The following SPOCK2 variants were observed in gnomAD, a reference collection of about 807,000 sequenced individuals.
The protein encoded by SPOCK2 is testican-2.
SPOCK2 carries 39 observed loss-of-function variants against 60.1 expected under a neutral mutation model. The observed-to-expected ratio is 0.65, with a 90% CI of 0.50 to 0.85. The LOEUF (loss-of-function observed/expected upper bound fraction) is 0.85, where lower values mean the gene tolerates loss of function less well. Ranked by LOEUF, SPOCK2 falls within the 40% of genes least tolerant of loss-of-function variation. The pLI is 0.00. For missense variants in SPOCK2, 523 were observed against 567.4 expected (o/e 0.92, Z 0.80); for synonymous variants, 217 against 231.5 (o/e 0.94, Z 0.57).
rs775254867 is a variant in SPOCK2 at position 72,066,885 on chromosome 10, A to AG, written c.928+16dup. On this transcript the variant is annotated intron_variant, in intron 8 of 10. Transcript: ENST00000373109. ...CACACGGGTGAGGCAGGGGCCTGGG[A>AG]GGGGGGCTGCACTCACTCTCCCTCC... 1.2e-5 allele frequency: 20 copies of AG among 1,613,560 alleles called. No individual in the cohort carries two copies. Among genetic ancestry groups the AG allele is most frequent in the Non-Finnish European group, 1.6e-5 (19 of 1,179,824 alleles).
At chr10:72,077,489 T>C (rs939588256) in intron 1 of SPOCK2, among the ~76,000 whole-genome samples, 2 of 152,118 alleles carry the variant, frequency 1.3e-5, no homozygotes, top group African/African-American at 4.8e-5. Context: ...TGAAATCCCA[T>C]GGGTGGTACC....
intron 4 of SPOCK2, among the ~76,000 whole-genome samples, chr10:72,071,356 A>C (rs1840644986): frequency 6.6e-6 from 1 of 151,962 alleles, no homozygotes. Context: ...TGCCCAGCTA[A>C]TTTTGTATTT....
At chr10:72,081,471 C>G (rs1840783502) in intron 1 of SPOCK2, among the ~76,000 whole-genome samples, 1 of 152,204 alleles carries the variant, frequency 6.6e-6, no homozygotes, top group Non-Finnish European at 1.5e-5. Flanking sequence ...GCTGGACGCC[C>G]CACCCTACAG....
chr10:72,072,901 C>T lies in SPOCK2; in HGVS notation c.198+1G>A. 2 of 1,554,794 alleles carry T rather than the reference C, an allele frequency of 1.3e-6. No individual in the cohort carries two copies. Among genetic ancestry groups the T allele is most frequent in the South Asian group, 1.2e-5 (1 of 84,176 alleles). On this transcript the variant is annotated splice_donor_variant, in intron 2 of 10. Transcript: ENST00000373109. LOFTEE classifies it high-confidence loss of function. Reference sequence around the variant, plus strand: ...AGAGTGGGGTCCTGGGCAGTACTCACCTCCACTTCCTGGAGATCAGGGAAC... The same window carrying T: ...AGAGTGGGGTCCTGGGCAGTACTCATCTCCACTTCCTGGAGATCAGGGAAC...
At chr10:72,074,504 G>A (rs1367142312) in intron 1 of SPOCK2, among the ~76,000 whole-genome samples, 2 of 152,266 alleles carry the variant, frequency 1.3e-5, no homozygotes, top group Non-Finnish European at 2.9e-5. Context: ...ATGCACAGGT[G>A]GACATATGCA....
At position 72,060,983 on chromosome 10, in the gene SPOCK2, C is replaced by CCCAG. The variant is rs1241741070; in HGVS notation, c.*1773_*1776dup. The stretch of plus-strand genomic sequence containing the variant: ...GCATTGACCCCACACCCACCACTCA[C>CCCAG]CCAGCACACAGGGGGCCTCTCCTCA... On this transcript the variant is annotated 3_prime_UTR_variant, in exon 11 of 11. Coordinates refer to ENST00000373109, the MANE Select transcript of SPOCK2 (RefSeq NM_001244950.2). 1.3e-5 allele frequency: 2 copies of CCCAG among 152,820 alleles called. No individual in the cohort carries two copies. The highest frequency in any genetic ancestry group is 2.4e-5 in the African/African-American group (1 of 41,420). 9.5% of individuals were successfully genotyped at this position (152,820 alleles called of 1,614,324 possible).
chr10:72,088,283 G>A lies in SPOCK2; in HGVS notation c.46C>T (p.Leu16=). The part of the protein sequence containing the change: ...CGRLVLPLLL[L]AAAALAEGDA... Reference sequence around the variant, plus strand: ...CCTTCGGCCAGGGCTGCCGCGGCCAGGAGCAGCAGCGGCAGCACCAGCCGC... The same window carrying A: ...CCTTCGGCCAGGGCTGCCGCGGCCAAGAGCAGCAGCGGCAGCACCAGCCGC... Residue 16 remains leucine (L), a synonymous_variant, in exon 1 of 11, where the codon CTG becomes TTG. Transcript: ENST00000373109. 4 of 1,602,806 alleles carry A rather than the reference G, an allele frequency of 2.5e-6. No homozygotes were observed. Among genetic ancestry groups the A allele is most frequent in the Non-Finnish European group, 3.4e-6 (4 of 1,175,790 alleles).
Position 72,059,654 on chromosome 10 carries a change from G to A in SPOCK2, c.*3106C>T, listed in dbSNP as rs763092499. 5.2e-5 allele frequency: 8 copies of A among 152,988 alleles called. No individual in the cohort carries two copies. Among genetic ancestry groups the A allele is most frequent in the Non-Finnish European group, 7.3e-5 (5 of 68,478 alleles). 9.5% of individuals were successfully genotyped at this position (152,988 alleles called of 1,614,324 possible). On this transcript the variant is annotated 3_prime_UTR_variant, in exon 11 of 11. Coordinates refer to ENST00000373109, the MANE Select transcript of SPOCK2 (RefSeq NM_001244950.2). ...CCCTCCAAAGTGAAGTTGGAAGCAG[G>A]TGAAGCTCATGGAAGGCTGAAGGCA...
rs1840476435 is a variant in SPOCK2 at position 72,060,457 on chromosome 10, C to T, written c.*2303G>A. 1 of 152,318 alleles carries T rather than the reference C, an allele frequency of 6.6e-6. No individual in the cohort carries two copies. Among genetic ancestry groups the T allele is most frequent in the Non-Finnish European group, 1.5e-5 (1 of 68,078 alleles). 9.4% of individuals were successfully genotyped at this position (152,318 alleles called of 1,614,324 possible). A position where few individuals can be genotyped will look rare whatever the true frequency, so the allele number is the denominator to read the frequency against. On this transcript the variant is annotated 3_prime_UTR_variant, in exon 11 of 11. Transcript: ENST00000373109. ...ACAGGGGACACCCTTCCTCTGAACT[C>T]CTTCCTTCCCCAGGCCCCCCAGCAT...
intron 6 of SPOCK2, 34 bp downstream of exon 6, chr10:72,068,153 C>T: frequency 6.3e-7 from 1 of 1,584,646 alleles, no homozygotes. Context: ...GGCCCTTCAG[C>T]ACCCCTAGCC....
Position 72,062,927 on chromosome 10 carries a change from AG to A in SPOCK2, c.1130-23del, listed in dbSNP as rs777745377. The A allele has an allele frequency of 4.4e-6, 7 of 1,594,162 alleles. No individual in the cohort carries two copies. In the African/African-American group the frequency reaches 9.4e-5, roughly 22 times the overall value. ...TCATCTGTGAGGGGATCAAGCCAACAGGGGGTGAGGGAGCTTCTGGCACGCA... is the reference window on the plus strand; with the variant it reads ...TCATCTGTGAGGGGATCAAGCCAACAGGGGTGAGGGAGCTTCTGGCACGCA... On this transcript the variant is annotated intron_variant, in intron 10 of 10. Coordinates refer to ENST00000373109, the MANE Select transcript of SPOCK2 (RefSeq NM_001244950.2). This position sits in a 1 kb window ranked among gnomAD's most constrained non-coding sequence, Gnocchi z 4.3.
chr10:72,086,711 G>C, intron 1 of SPOCK2: 1 of 1,365,074 alleles, frequency 7.3e-7, no homozygotes, highest in Non-Finnish European at 9.5e-7. Flanking sequence ...AGCCCATCGC[G>C]GGGCCCGGCC....
At position 72,067,101 on chromosome 10, in the gene SPOCK2, C is replaced by T. The variant is rs1305939024; in HGVS notation, c.729G>A (p.Gly243=). 6.2e-7 allele frequency: 1 copy of T among 1,613,928 alleles called. No homozygotes were observed. Among genetic ancestry groups the T allele is most frequent in the Non-Finnish European group, 8.5e-7 (1 of 1,179,958 alleles). The change falls in exon 8 of 11, where the codon GGG becomes GGA. Residue 243 remains glycine, a synonymous_variant. Coordinates refer to ENST00000373109, the MANE Select transcript of SPOCK2 (RefSeq NM_001244950.2). ...GPASGLDKSL[G]ASCKDSIGWM... is the part of the protein sequence containing the mutation. ...AGCCAATGGAGTCCTTGCAGCTGGC[C>T]CCCAGGCTCTTGTCCAGCCCTGGGA...
In SPOCK2 at chr10:72,088,472, CG is replaced by C; in HGVS notation, c.-145del. 1.0e-6 allele frequency: 1 copy of C among 993,322 alleles called. No individual in the cohort carries two copies. Among genetic ancestry groups the C allele is most frequent in the Non-Finnish European group, 1.4e-6 (1 of 699,342 alleles). 61.5% of individuals were successfully genotyped at this position (993,322 alleles called of 1,614,324 possible). ...CTCCGGTGACTGGCGGAGAGTGGGT[CG>C]CGGCTGAAATGTGACCTGGTTAGGA... is the stretch of plus-strand genomic sequence containing the variant. On this transcript the variant is annotated 5_prime_UTR_variant, in exon 1 of 11. Coordinates refer to ENST00000373109, the MANE Select transcript of SPOCK2 (RefSeq NM_001244950.2).
At position 72,062,772 on chromosome 10, in the gene SPOCK2, G is replaced by T. The variant is rs747666127; in HGVS notation, c.1263C>A (p.Gly421=). 6.2e-7 allele frequency: 1 copy of T among 1,605,934 alleles called. No homozygotes were observed. Among genetic ancestry groups the T allele is most frequent in the East Asian group, 2.2e-5 (1 of 44,866 alleles). ...CTCCTGAGGGCGTCTACCAGATGTA[G>T]CCCCCGTCGTCAGCCTCGCCTGCCT... is the stretch of plus-strand genomic sequence containing the variant. ...EGEAGEADDG[G]YIW is the part of the protein sequence containing the mutation. Residue 421 remains glycine (G), a synonymous_variant, in exon 11 of 11, where the codon GGC becomes GGA. Transcript: ENST00000373109. The surrounding 1 kb of genome is among the most constrained non-coding windows in gnomAD (Gnocchi z 4.3).
rs1372056053 is a variant in SPOCK2 at position 72,068,202 on chromosome 10, C to T, written c.574G>A (p.Ala192Thr). Residue 192 changes from alanine to threonine, a missense_variant, in exon 6 of 11, where the codon GCC becomes ACC. Coordinates refer to ENST00000373109, the MANE Select transcript of SPOCK2 (RefSeq NM_001244950.2). The stretch of plus-strand genomic sequence containing the variant: ...CTGTCCTCACCTGGTTTGCCATCGG[C>T]GGTGGAGGTGGCAGCCTGCTCCGTG... ...CPTEQAATST[A>T]DGKPETCTGQ... is the part of the protein sequence containing the mutation. The T allele has an allele frequency of 4.4e-6, 7 of 1,605,644 alleles. No individual in the cohort carries two copies. Among genetic ancestry groups the T allele is most frequent in the African/African-American group, 1.3e-5 (1 of 75,026 alleles).
At chr10:72,086,281 A>C in intron 1 of SPOCK2, 1 of 988,434 alleles carries the variant, frequency 1.0e-6, no homozygotes, top group Non-Finnish European at 1.2e-6. Flanking sequence ...AGTGGTTGGC[A>C]CCAATACAGA....
At chr10:72,072,669 G>A (rs750993093) in intron 2 of SPOCK2, 121 bp from the exon 3 acceptor site, 146 of 1,472,264 alleles carry the variant, frequency 9.9e-5, no homozygotes, top group Middle Eastern at 1.7e-4. Context: ...CCGTCATCCT[G>A]GTGGCTGACC....
intron 1 of SPOCK2, among the ~76,000 whole-genome samples, chr10:72,076,602 A>G (rs1564549420): frequency 6.6e-6 from 1 of 152,242 alleles, no homozygotes; most frequent in Non-Finnish European, 1.5e-5. Context: ...ATGTTTTAAT[A>G]GAGATGGGGT....
Sources: allele counts gnomAD v4.1 joint callset (sites outside exome capture counted in the v4.1 genomes callset), GRCh38; gene constraint gnomAD v4.1.1; non-coding constraint Gnocchi (gnomAD v3.1); transcripts MANE v1.5; gene names NCBI Gene and HGNC (gene_info 2026-07-23, HGNC 2026-07-21).